Variants in ADNP observed in about 807,000 individuals in gnomAD.
ADNP encodes activity-dependent neuroprotector homeobox protein.
In ADNP, 4 loss-of-function variants were observed where a neutral mutation model predicts 84.9. The ratio of observed to expected loss-of-function variants is 0.05; its 90% confidence interval spans 0.02 to 0.11. The LOEUF (loss-of-function observed/expected upper bound fraction) is 0.11. ADNP is among the 10% of genes least tolerant of loss of function. The pLI, the probability that ADNP is intolerant of heterozygous loss-of-function variation, is 1.00. For synonymous variants in ADNP, 554 were observed against 468.1 expected (o/e 1.18, Z -2.37); for missense variants, 1,132 against 1,326.0 (o/e 0.85, Z 2.27).
At chr20:50,916,832 C>T (rs185168512) in intron 2 of ADNP, among the ~76,000 whole-genome samples, 32 of 152,216 alleles carry the variant, frequency 2.1e-4, no homozygotes, top group African/African-American at 6.0e-4. Flanking sequence ...TGCAGGAACA[C>T]AAGCATTCTG....
chr20:50,896,712 AAC>A, intron 5 of ADNP, among the ~76,000 whole-genome samples: 1 of 152,324 alleles, frequency 6.6e-6, no homozygotes, highest in South Asian at 2.1e-4. Flanking sequence ...CAGGAACAGT[AAC>A]ACACATGGAA....
At chr20:50,914,382 A>AGAAT (rs1983335482) in intron 2 of ADNP, 1 of 603,912 alleles carries the variant, frequency 1.7e-6, no homozygotes, top group African/African-American at 1.9e-5. Flanking sequence ...AGTACTCAAG[A>AGAAT]GAATGGTAGA....
rs750568080 is a variant in ADNP, at chr20:50,892,047, A to C, written c.2667T>G (p.Ser889Arg). 1.2e-5 allele frequency: 20 copies of C among 1,614,098 alleles called. No homozygotes were observed. Among genetic ancestry groups the C allele is most frequent in the Admixed American group, 6.7e-5 (4 of 60,010 alleles). Residue 889 changes from serine to arginine, a missense_variant, in exon 6 of 6, where the codon AGT (serine) becomes AGG (arginine). By Grantham distance (110) the Ser-to-Arg change is moderately radical. This residue lies in a region of ADNP where 381 missense variants were observed against 319.9 expected (regional missense o/e 1.19). Transcript: ENST00000621696. ...FENLEEESNE[S>R]GSPFDPVFEV... is the part of the protein sequence containing the mutation. The stretch of plus-strand genomic sequence containing the variant: ...CAAAAACAGGGTCAAAAGGGCTACC[A>C]CTTTCATTGGATTCTTCTTCCAAAT...
chr20:50,926,770 A>G (rs1984317714), intron 2 of ADNP, among the ~76,000 whole-genome samples: 1 of 152,192 alleles, frequency 6.6e-6, no homozygotes, highest in Non-Finnish European at 1.5e-5. Flanking sequence ...TGTTACTTAT[A>G]TATGATTCTC....
intron 4 of ADNP, among the ~76,000 whole-genome samples, chr20:50,903,415 AACAAGCACCCAC>A (rs1313510039): frequency 2.6e-5 from 4 of 152,328 alleles, no homozygotes; most frequent in Non-Finnish European, 4.4e-5. Flanking sequence ...GGAAAGAGAC[AACAAGCACCCAC>A]ACAAGCACGC....
intron 5 of ADNP, among the ~76,000 whole-genome samples, chr20:50,895,490 C>A (rs936490826): frequency 6.6e-6 from 1 of 152,166 alleles, no homozygotes; most frequent in Non-Finnish European, 1.5e-5. Flanking sequence ...AATATGAAAG[C>A]CTGGGACATT....
In ADNP at chr20:50,931,404, G is replaced by C. The variant is rs1040701149; in HGVS notation, c.-843C>G. The C allele has an allele frequency of 6.6e-6, 1 of 152,502 alleles. No individual in the cohort carries two copies. The highest frequency in any genetic ancestry group is 1.5e-5 in the Non-Finnish European group (1 of 68,326). 9.4% of individuals were successfully genotyped at this position (152,502 alleles called of 1,614,324 possible). A position where few individuals can be genotyped will look rare whatever the true frequency, so the allele number is the denominator to read the frequency against. ...TACAAGCGCCTCGGACCGAGTCCCC[G>C]AACCTGCCCTAGCCAAAATGGCGGC... On this transcript the variant is annotated 5_prime_UTR_variant, in exon 1 of 6. Transcript: ENST00000621696.
chr20:50,917,187 T>G (rs993259681), intron 2 of ADNP, among the ~76,000 whole-genome samples: 1 of 152,192 alleles, frequency 6.6e-6, no homozygotes. Context: ...CAGCAGCATG[T>G]TCCCTACGTA....
At chr20:50,905,190 C>CA in intron 2 of ADNP, 1 of 152,246 alleles carries the variant, frequency 6.6e-6, no homozygotes, top group Admixed American at 6.5e-5. Context: ...AAAACCTGGG[C>CA]AGCTGAGAAT....
intron 2 of ADNP, among the ~76,000 whole-genome samples, chr20:50,909,141 C>T (rs963197843): frequency 1.3e-5 from 2 of 151,242 alleles, no homozygotes; most frequent in East Asian, 3.9e-4. Context: ...GAGGCCGAGG[C>T]GGGCGGAACA....
intron 5 of ADNP, among the ~76,000 whole-genome samples, chr20:50,896,815 A>C (rs1167797629): frequency 6.6e-6 from 1 of 152,208 alleles, no homozygotes; most frequent in Non-Finnish European, 1.5e-5. Flanking sequence ...ACACTTACCA[A>C]GAATAAGCCC....
chr20:50,905,555 C>A (rs1982392337), intron 2 of ADNP: 1 of 152,064 alleles, frequency 6.6e-6, no homozygotes, highest in Non-Finnish European at 1.5e-5. Context: ...CAAAGAGTAA[C>A]CCCTAGAAAT....
At chr20:50,921,857 G>A (rs1426766416) in intron 2 of ADNP, among the ~76,000 whole-genome samples, 4 of 152,138 alleles carry the variant, frequency 2.6e-5, no homozygotes, top group African/African-American at 9.7e-5. Context: ...ACAGACTGAG[G>A]ATACTTTATA....
chr20:50,898,061 T>C (rs1296905095), intron 5 of ADNP, among the ~76,000 whole-genome samples: 1 of 152,194 alleles, frequency 6.6e-6, no homozygotes, highest in Admixed American at 6.5e-5. Context: ...CTTAAAAGAC[T>C]TGAAGCCTGG....
chr20:50,893,796 T>A lies in ADNP; in HGVS notation c.918A>T (p.Arg306=). ...RSLPSQQMVN[R]LSIPKPNLNS... is the part of the protein sequence containing the mutation. ...TTAAGTTAGGCTTTGGTATTGAGAG[T>A]CGATTCACCATCTGCTGTGATGGTA... Residue 306 remains arginine (R), a synonymous_variant, in exon 6 of 6, where the codon CGA becomes CGT. Coordinates refer to ENST00000621696, the MANE Select transcript of ADNP (RefSeq NM_001282531.3). The surrounding 1 kb of genome is among the most constrained non-coding windows in gnomAD (Gnocchi z 4.4). 1 of 1,614,136 alleles carries A rather than the reference T, an allele frequency of 6.2e-7. No individual in the cohort carries two copies. The highest frequency in any genetic ancestry group is 1.1e-5 in the South Asian group (1 of 91,078).
At chr20:50,910,124 A>G (rs1982894345) in intron 2 of ADNP, among the ~76,000 whole-genome samples, 1 of 152,220 alleles carries the variant, frequency 6.6e-6, no homozygotes, top group Non-Finnish European at 1.5e-5. Context: ...TTTATGCAAA[A>G]TAATTACACT....
chr20:50,902,038 G>A lies in ADNP; in HGVS notation c.180C>T (p.Asp60=). The A allele has an allele frequency of 1.2e-6, 2 of 1,613,698 alleles. No individual in the cohort carries two copies. ...NTTWEDVGLW[D]PSLTKNQDYR... The stretch of plus-strand genomic sequence containing the variant: ...TTACCTGGTTTTTCGTAAGTGATGG[G>A]TCCCACAGTCCTACATCCTCCCATG... The change falls in exon 5 of 6, where the codon GAC becomes GAT. Residue 60 remains aspartate, a synonymous_variant. Transcript: ENST00000621696.
chr20:50,922,565 C>A (rs1273285760), intron 2 of ADNP, among the ~76,000 whole-genome samples: 8 of 149,808 alleles, frequency 5.3e-5, no homozygotes, highest in Non-Finnish European at 1.5e-5. Context: ...CTCTCTGAAC[C>A]CAGTCCTCCT....
chr20:50,890,423 ATAC>A lies in ADNP; in HGVS notation c.*979_*981del, dbSNP rs953744231. The A allele has an allele frequency of 2.8e-4, 43 of 152,558 alleles. No individual in the cohort carries two copies. Among genetic ancestry groups the A allele is most frequent in the Non-Finnish European group, 3.7e-4 (25 of 68,050 alleles). The allele number at this position is 152,558 out of a possible 1,614,324, so 9.5% of individuals were successfully genotyped here. A position where few individuals can be genotyped will look rare whatever the true frequency, so the allele number is the denominator to read the frequency against. ...GAAAATAAAGATCACAAAATTATAC[ATAC>A]TACAACAGTGTGTCATATATTAGAT... On this transcript the variant is annotated 3_prime_UTR_variant, in exon 6 of 6. Coordinates refer to ENST00000621696, the MANE Select transcript of ADNP (RefSeq NM_001282531.3).
Sources: gnomAD v4.1 joint callset for allele counts (sites outside exome capture counted in the v4.1 genomes callset) on GRCh38, gnomAD v4.1.1 for gene constraint, gnomAD v4.1.1 regional missense constraint, Gnocchi (gnomAD v3.1) non-coding constraint, MANE v1.5 for transcripts, NCBI Gene and HGNC (gene_info 2026-07-23, HGNC 2026-07-21) for gene names.